PIGK: variants seen among roughly 807,000 people sequenced by gnomAD.
PIGK encodes the protein phosphatidylinositol glycan anchor biosynthesis class K, also known as GPI-anchor transamidase.
PIGK carries 42 observed loss-of-function variants against 50.6 expected under a neutral mutation model. The observed-to-expected ratio is 0.83, with a 90% CI of 0.65 to 1.07. The LOEUF (loss-of-function observed/expected upper bound fraction) is 1.07. Among genes scored for constraint, PIGK ranks in the 50% least tolerant of loss-of-function variants. The pLI is 0.00. For synonymous variants in PIGK, 151 were observed against 156.0 expected (o/e 0.97, Z 0.24); for missense variants, 448 against 488.7 (o/e 0.92, Z 0.78).
intron 2 of PIGK, among the ~76,000 whole-genome samples, chr1:77,207,019 T>C (rs1656303481): frequency 6.6e-6 from 1 of 152,024 alleles, no homozygotes; most frequent in Non-Finnish European, 1.5e-5. Flanking sequence ...ATACAAAAAT[T>C]ACCCAGGTGT....
At position 77,113,648 on chromosome 1, in the gene PIGK, TTTATGGAAA is replaced by T. The variant is rs1309323515; in HGVS notation, c.1071+8618_1071+8626del. Among the ~76,000 whole-genome samples, 3 of 152,236 alleles carry T rather than the reference TTTATGGAAA, an allele frequency of 2.0e-5. No homozygotes were observed. In the East Asian group the frequency reaches 5.8e-4, roughly 29 times the overall value. ...TCTAAACATTCTCCTTATCATCAGT[TTTATGGAAA>T]TTAAAAATGATTTTATTGAAAATTG... On this transcript the variant is annotated intron_variant, in intron 10 of 10. Coordinates refer to ENST00000370812, the MANE Select transcript of PIGK (RefSeq NM_005482.3).
At chr1:77,211,342 C>T (rs1466256990) in intron 1 of PIGK, among the ~76,000 whole-genome samples, 1 of 151,322 alleles carries the variant, frequency 6.6e-6, no homozygotes, top group Non-Finnish European at 1.5e-5. Context: ...AAACTGAAAC[C>T]GCATGGTTGA....
intron 9 of PIGK, among the ~76,000 whole-genome samples, chr1:77,139,666 A>G (rs548542531): frequency 1.6e-4 from 24 of 152,308 alleles, no homozygotes; most frequent in African/African-American, 4.6e-4. Context: ...CTCTGCTTCA[A>G]TGTGGAAGAA....
chr1:77,208,518 G>C (rs1656343297), intron 2 of PIGK, among the ~76,000 whole-genome samples: 1 of 152,266 alleles, frequency 6.6e-6, no homozygotes, highest in Admixed American at 6.5e-5. Flanking sequence ...GGCAGTTATT[G>C]CCTCTTGAAC....
Position 77,168,020 on chromosome 1 carries a change from GAA to G in PIGK, c.376-1192_376-1191del, listed in dbSNP as rs71849640. ...TGAATTTAAAATAAAGGTTGAAAAA[GAA>G]AAAAAAAAAGTTCCATATATATTTC... On this transcript the variant is annotated intron_variant, in intron 4 of 10. Transcript: ENST00000370812. Among the ~76,000 whole-genome samples, 25 of 144,516 alleles carry G rather than the reference GAA, an allele frequency of 1.7e-4. No homozygotes were observed. The East Asian group carries it at 4.2e-3, about 24-fold the overall frequency. 94.8% of individuals were successfully genotyped at this position (144,516 alleles called of 152,430 possible).
chr1:77,092,505 T>A lies in PIGK; in HGVS notation c.1072-15A>T. On this transcript the variant is annotated splice_polypyrimidine_tract_variant and intron_variant, in intron 10 of 10. Coordinates refer to ENST00000370812, the MANE Select transcript of PIGK (RefSeq NM_005482.3). ...AGCTTCGGTTTCTGCAAAACAAGAATAACATGATAAATTTTATAACAGGTA... is the reference window on the plus strand; with the variant it reads ...AGCTTCGGTTTCTGCAAAACAAGAAAAACATGATAAATTTTATAACAGGTA... 4 of 1,274,450 alleles carry A rather than the reference T, an allele frequency of 3.1e-6. No homozygotes were observed. Among genetic ancestry groups the A allele is most frequent in the Non-Finnish European group, 4.5e-6 (4 of 886,394 alleles). 78.9% of individuals were successfully genotyped at this position (1,274,450 alleles called of 1,614,324 possible).
At chr1:77,129,736 A>T in intron 9 of PIGK, 1 of 670,652 alleles carries the variant, frequency 1.5e-6, no homozygotes, top group Non-Finnish European at 2.2e-6. Flanking sequence ...TAAATAAATA[A>T]ATATTTACTA....
At chr1:77,108,863 T>G (rs1653764990) in intron 10 of PIGK, among the ~76,000 whole-genome samples, 1 of 152,216 alleles carries the variant, frequency 6.6e-6, no homozygotes, top group Non-Finnish European at 1.5e-5. Flanking sequence ...ACTGATACCC[T>G]TTCTTCAAGT....
intron 1 of PIGK, among the ~76,000 whole-genome samples, chr1:77,218,736 G>C (rs76072194): frequency 0.016 from 2,364 of 152,192 alleles, 32 homozygotes; most frequent in Admixed American, 0.024. Flanking sequence ...AAGCATTATA[G>C]AGCACCAGAA....
At chr1:77,164,193 T>C (rs1210153933) in intron 5 of PIGK, among the ~76,000 whole-genome samples, 2 of 152,234 alleles carry the variant, frequency 1.3e-5, no homozygotes, top group Non-Finnish European at 2.9e-5. Flanking sequence ...CCTATATTTA[T>C]GCTCTTCCAC....
chr1:77,159,456 G>A (rs750449631), intron 8 of PIGK, among the ~76,000 whole-genome samples: 4 of 152,126 alleles, frequency 2.6e-5, no homozygotes, highest in African/African-American at 4.8e-5. Context: ...GAGGGCCACC[G>A]TCCTCCAGGT....
chr1:77,139,981 C>T (rs1278772845), intron 9 of PIGK, among the ~76,000 whole-genome samples: 1 of 151,990 alleles, frequency 6.6e-6, no homozygotes, highest in Non-Finnish European at 1.5e-5. Flanking sequence ...GAAATGTTTC[C>T]TTCTAATGAA....
intron 1 of PIGK, among the ~76,000 whole-genome samples, chr1:77,211,966 T>A (rs1384109194): frequency 6.6e-6 from 1 of 152,102 alleles, no homozygotes; most frequent in Admixed American, 6.6e-5. Context: ...ATTCTACACA[T>A]AAGTTAATAT....
chr1:77,091,378 T>A lies in PIGK; in HGVS notation c.*996A>T, dbSNP rs1653294723. 1 of 152,208 alleles carries A rather than the reference T, an allele frequency of 6.6e-6. No individual in the cohort carries two copies. The highest frequency in any genetic ancestry group is 1.5e-5 in the Non-Finnish European group (1 of 68,028). The allele number at this position is 152,208 out of a possible 1,614,324, so 9.4% of individuals were successfully genotyped here. A position where few individuals can be genotyped will look rare whatever the true frequency, so the allele number is the denominator to read the frequency against. On this transcript the variant is annotated 3_prime_UTR_variant, in exon 11 of 11. Transcript: ENST00000370812. Reference sequence around the variant, plus strand: ...TCAGCCAGACATGAAGGCTAGGCCATAAGCATACATTTTCTTCACAGGTCC... The same window carrying A: ...TCAGCCAGACATGAAGGCTAGGCCAAAAGCATACATTTTCTTCACAGGTCC...
chr1:77,176,419 T>C (rs1447060484), intron 3 of PIGK, among the ~76,000 whole-genome samples: 1 of 152,234 alleles, frequency 6.6e-6, no homozygotes, highest in Admixed American at 6.5e-5. Flanking sequence ...TATGTTCCAA[T>C]ATTGCATGGG....
At chr1:77,176,787 C>T (rs1655498843) in intron 3 of PIGK, among the ~76,000 whole-genome samples, 1 of 152,082 alleles carries the variant, frequency 6.6e-6, no homozygotes, top group African/African-American at 2.4e-5. Context: ...GACATAAGTC[C>T]AATGTCAAGC....
At chr1:77,189,738 T>C (rs1655851160) in intron 3 of PIGK, among the ~76,000 whole-genome samples, 12 of 32,104 alleles carry the variant, frequency 3.7e-4, no homozygotes, top group Admixed American at 9.9e-4. Flanking sequence ...TATATATATA[T>C]ATATATATAT....
rs371280890 is a variant in PIGK, at chr1:77,169,245, G to T, written c.375+15C>A. ...CAATGCCATTTTAAAAATGTGGCTAGATTAAAGAATTTACCTCGTAACTTC... is the reference window on the plus strand; with the variant it reads ...CAATGCCATTTTAAAAATGTGGCTATATTAAAGAATTTACCTCGTAACTTC... On this transcript the variant is annotated intron_variant, in intron 4 of 10. Coordinates refer to ENST00000370812, the MANE Select transcript of PIGK (RefSeq NM_005482.3). 5 of 1,495,294 alleles carry T rather than the reference G, an allele frequency of 3.3e-6. No individual in the cohort carries two copies. The African/African-American group carries it at 5.7e-5, about 17-fold the overall frequency. 92.6% of individuals were successfully genotyped at this position (1,495,294 alleles called of 1,614,324 possible).
intron 10 of PIGK, among the ~76,000 whole-genome samples, chr1:77,117,416 T>G (rs2100524998): frequency 6.6e-6 from 1 of 152,344 alleles, no homozygotes. Context: ...AAGACATCAC[T>G]CCATTGCTTT....
Sources: allele counts gnomAD v4.1 joint callset (sites outside exome capture counted in the v4.1 genomes callset), GRCh38; gene constraint gnomAD v4.1.1; transcripts MANE v1.5; gene names NCBI Gene and HGNC (gene_info 2026-07-23, HGNC 2026-07-21).